The following CPEB4 variants were observed in gnomAD, a reference collection of about 807,000 sequenced individuals.
The protein encoded by CPEB4 is cytoplasmic polyadenylation element binding protein 4.
Under a neutral mutation model 72.5 loss-of-function variants are expected in CPEB4, and 12 were observed. The ratio of observed to expected loss-of-function variants is 0.17; its 90% CI spans 0.11 to 0.27. CPEB4 has a LOEUF of 0.27. CPEB4 is among the 10% of genes least tolerant of loss of function. The pLI is 1.00. For missense variants in CPEB4, 614 were observed against 908.5 expected, an observed-to-expected ratio of 0.68 and a Z score of 4.17; for synonymous variants, 302 against 326.3, an observed-to-expected ratio of 0.93 and a Z score of 0.80.
intron 1 of CPEB4, among the ~76,000 whole-genome samples, chr5:173,899,157 T>TA (rs778503741): frequency 3.3e-5 from 5 of 152,180 alleles, no homozygotes; most frequent in Non-Finnish European, 5.9e-5. Context: ...TGGAAAAATT[T>TA]AAATATATTC....
At chr5:173,927,271 A>C (rs1757275354) in intron 2 of CPEB4, among the ~76,000 whole-genome samples, 1 of 152,194 alleles carries the variant, frequency 6.6e-6, no homozygotes, top group South Asian at 2.1e-4. Flanking sequence ...TTACTTATGA[A>C]ATACTGGTGT....
chr5:173,929,412 C>A (rs1338059901), intron 2 of CPEB4, among the ~76,000 whole-genome samples: 6 of 152,130 alleles, frequency 3.9e-5, no homozygotes, highest in African/African-American at 1.4e-4. Flanking sequence ...ATTATCCTCC[C>A]TTAGGGCTGG....
chr5:173,897,908 G>GTAC (rs1756081034), intron 1 of CPEB4, among the ~76,000 whole-genome samples: 1 of 152,046 alleles, frequency 6.6e-6, no homozygotes, highest in Admixed American at 6.6e-5. Context: ...TGACAAAATG[G>GTAC]TACCACAAAA....
At chr5:173,938,443 C>T (rs1757708137) in intron 3 of CPEB4, among the ~76,000 whole-genome samples, 1 of 152,172 alleles carries the variant, frequency 6.6e-6, no homozygotes, top group Admixed American at 6.5e-5. Context: ...CCAGGCTGGT[C>T]TCGAACTCCT....
At position 173,889,011 on chromosome 5, in the gene CPEB4, C is replaced by T. The variant is rs1339560082; in HGVS notation, c.-723C>T. ...CTGCACCCGGAGCCTCAGGAACAGC[C>T]CCAGAGGCCAAAACTGCACCCTGCG... On this transcript the variant is annotated 5_prime_UTR_variant, in exon 1 of 10. Transcript: ENST00000265085. 6.5e-6 allele frequency: 1 copy of T among 153,908 alleles called. No homozygotes were observed. The highest frequency in any genetic ancestry group is 2.4e-5 in the African/African-American group (1 of 41,514). 9.5% of individuals were successfully genotyped at this position (153,908 alleles called of 1,614,324 possible).
At chr5:173,940,471 A>G (rs1313705778) in intron 3 of CPEB4, among the ~76,000 whole-genome samples, 1 of 152,250 alleles carries the variant, frequency 6.6e-6, no homozygotes, top group Admixed American at 6.5e-5. Flanking sequence ...CAAGAATTTC[A>G]TCATAAAGTG....
chr5:173,957,277 G>A lies in CPEB4; in HGVS notation c.*1140G>A, dbSNP rs1048612334. 1.3e-5 allele frequency: 2 copies of A among 152,510 alleles called. No individual in the cohort carries two copies. The highest frequency in any genetic ancestry group is 2.4e-5 in the African/African-American group (1 of 41,350). 9.4% of individuals were successfully genotyped at this position (152,510 alleles called of 1,614,324 possible). A position where few individuals can be genotyped will look rare whatever the true frequency, so the allele number is the denominator to read the frequency against. On this transcript the variant is annotated 3_prime_UTR_variant, in exon 10 of 10. Transcript: ENST00000265085. ...TACTTTTAGATTTAAAGTTACTTTG[G>A]GTATCCTGTAATTTAGTTGTAACAT...
At chr5:173,942,115 C>T (rs1289792396) in intron 3 of CPEB4, among the ~76,000 whole-genome samples, 1 of 152,242 alleles carries the variant, frequency 6.6e-6, no homozygotes, top group African/African-American at 2.4e-5. Flanking sequence ...TCCTGTTACA[C>T]CTACCACATA....
intron 2 of CPEB4, among the ~76,000 whole-genome samples, chr5:173,913,590 G>T (rs1055734571): frequency 4.6e-5 from 7 of 152,082 alleles, no homozygotes; most frequent in Non-Finnish European, 8.8e-5. Flanking sequence ...CTTCTAATTT[G>T]CTCAACGGAT....
intron 2 of CPEB4, among the ~76,000 whole-genome samples, chr5:173,916,196 AT>A (rs1156720988): frequency 1.3e-5 from 2 of 152,212 alleles, no homozygotes; most frequent in Non-Finnish European, 2.9e-5. Context: ...TATGACTTAG[AT>A]ATCATATTAT....
Position 173,950,300 on chromosome 5 carries a change from T to A in CPEB4, c.1665+222T>A, listed in dbSNP as rs2113295314. On this transcript the variant is annotated intron_variant, in intron 7 of 9. Coordinates refer to ENST00000265085, the MANE Select transcript of CPEB4 (RefSeq NM_030627.4). This position sits in a 1 kb window ranked among gnomAD's most constrained non-coding sequence, Gnocchi z 5.0. ...GGTTAGTTGAAATATAATTGGTAAATCTTTATTTTTAAAAGATTTCACGGC... is the reference window on the plus strand; with the variant it reads ...GGTTAGTTGAAATATAATTGGTAAAACTTTATTTTTAAAAGATTTCACGGC... Among the ~76,000 whole-genome samples, 1 of 152,292 alleles carries A rather than the reference T, an allele frequency of 6.6e-6. No homozygotes were observed. The highest frequency in any genetic ancestry group is 2.1e-4 in the South Asian group (1 of 4,822).
rs1462893535 is a variant in CPEB4 at position 173,959,713 on chromosome 5, A to C, written c.*3576A>C. 6.6e-6 allele frequency: 1 copy of C among 152,616 alleles called. No individual in the cohort carries two copies. Among genetic ancestry groups the C allele is most frequent in the Non-Finnish European group, 1.5e-5 (1 of 67,990 alleles). The allele number at this position is 152,616 out of a possible 1,614,324, so 9.5% of individuals were successfully genotyped here. On this transcript the variant is annotated 3_prime_UTR_variant, in exon 10 of 10. Transcript: ENST00000265085. The stretch of plus-strand genomic sequence containing the variant: ...ATGTAAATTTGAGATTATTTTTAAA[A>C]ATGGAATAAAAGAGGTTTTGGTCAT...
At chr5:173,948,710 G>A (rs1758118757) in intron 5 of CPEB4, among the ~76,000 whole-genome samples, 1 of 152,098 alleles carries the variant, frequency 6.6e-6, no homozygotes, top group Admixed American at 6.5e-5. Flanking sequence ...TCACCATTCT[G>A]GAGGCTGGGA....
At chr5:173,946,983 A>G (rs985922197) in intron 5 of CPEB4, among the ~76,000 whole-genome samples, 3 of 151,988 alleles carry the variant, frequency 2.0e-5, no homozygotes, top group African/African-American at 7.3e-5. Flanking sequence ...GGGCTCACAT[A>G]GTGAGCCCTT....
intron 1 of CPEB4, among the ~76,000 whole-genome samples, chr5:173,906,261 GGTTT>G (rs1756432404): frequency 6.6e-6 from 1 of 152,084 alleles, no homozygotes; most frequent in African/African-American, 2.4e-5. Context: ...TTATACTTTG[GGTTT>G]GTTTATCTGT....
chr5:173,937,586 C>G (rs1757675684), intron 3 of CPEB4, among the ~76,000 whole-genome samples: 1 of 152,072 alleles, frequency 6.6e-6, no homozygotes, highest in Non-Finnish European at 1.5e-5. Flanking sequence ...CAATTGTTAA[C>G]CTTAAAATGC....
Position 173,958,630 on chromosome 5 carries a change from G to A in CPEB4, c.*2493G>A, listed in dbSNP as rs1758450188. ...ACCTATAATTTAAGAAATAGTCTATGTAAAGTCACAAATTAATGAAAAAAA... is the reference window on the plus strand; with the variant it reads ...ACCTATAATTTAAGAAATAGTCTATATAAAGTCACAAATTAATGAAAAAAA... On this transcript the variant is annotated 3_prime_UTR_variant, in exon 10 of 10. Transcript: ENST00000265085. 1 of 152,348 alleles carries A rather than the reference G, an allele frequency of 6.6e-6. No homozygotes were observed. The highest frequency in any genetic ancestry group is 2.4e-5 in the African/African-American group (1 of 41,340). The allele number at this position is 152,348 out of a possible 1,614,324, so 9.4% of individuals were successfully genotyped here. A position where few individuals can be genotyped will look rare whatever the true frequency, so the allele number is the denominator to read the frequency against.
intron 2 of CPEB4, among the ~76,000 whole-genome samples, chr5:173,916,973 C>G (rs1756892298): frequency 6.6e-6 from 1 of 152,084 alleles, no homozygotes; most frequent in African/African-American, 2.4e-5. Flanking sequence ...CACCATTTTA[C>G]TAATATTCCT....
intron 1 of CPEB4, among the ~76,000 whole-genome samples, chr5:173,897,473 T>TATG (rs1294093065): frequency 6.6e-6 from 1 of 152,192 alleles, no homozygotes; most frequent in Non-Finnish European, 1.5e-5. Flanking sequence ...GAGCACCTAC[T>TATG]ATGTTATGGA....
Sources: allele counts gnomAD v4.1 joint callset (sites outside exome capture counted in the v4.1 genomes callset), GRCh38; gene constraint gnomAD v4.1.1; non-coding constraint Gnocchi (gnomAD v3.1); transcripts MANE v1.5; gene names NCBI Gene and HGNC (gene_info 2026-07-23, HGNC 2026-07-21).